The following AP2A1 variants were observed in gnomAD, a reference collection of about 807,000 sequenced individuals.
AP2A1 encodes AP-2 complex subunit alpha-1.
Under a neutral mutation model 107.3 loss-of-function variants are expected in AP2A1, and 21 were observed. The ratio of observed to expected loss-of-function variants is 0.20; its 90% CI spans 0.14 to 0.28. The LOEUF is 0.28. Ranked by LOEUF, AP2A1 falls within the 10% of genes least tolerant of loss-of-function variation. The probability of loss-of-function intolerance (pLI) is 1.00; values close to 1 mark genes in which losing one functional copy is unlikely to be tolerated. For synonymous variants in AP2A1, 602 were observed against 564.8 expected (o/e 1.07, Z -0.93); for missense variants, 873 against 1,307.7 (o/e 0.67, Z 5.13).
At chr19:49,802,513 CT>C in intron 15 of AP2A1, 2 of 1,604,704 alleles carry the variant, frequency 1.2e-6, no homozygotes, top group South Asian at 1.1e-5. Flanking sequence ...CTCTTGTCTG[CT>C]CTGGGATTGG....
intron 22 of AP2A1, 106 bp from the exon 23 acceptor site, chr19:49,806,575 T>C: frequency 6.5e-7 from 1 of 1,549,436 alleles, no homozygotes; most frequent in Middle Eastern, 2.4e-4. Flanking sequence ...GTGTCTTGTA[T>C]CACCTTTCTG....
intron 11 of AP2A1, chr19:49,800,681 G>C (rs1049577593): frequency 2.8e-6 from 1 of 358,390 alleles, no homozygotes; most frequent in Admixed American, 4.6e-5. Flanking sequence ...ATGTTACCCA[G>C]GCTGGTTTGA....
At position 49,788,348 on chromosome 19, in the gene AP2A1, A is replaced by G. The variant is rs1014901083; in HGVS notation, c.474-3587A>G. Among the ~76,000 whole-genome samples the G allele has an allele frequency of 2.0e-5, 3 of 152,240 alleles. No homozygotes were observed. Among genetic ancestry groups the G allele is most frequent in the Non-Finnish European group, 4.4e-5 (3 of 68,050 alleles). Reference sequence around the variant, plus strand: ...GCCCTTATTCCACTTAACCAAGTTGATAAATAGCTCTTATTCCTTTGTGTG... The same window carrying G: ...GCCCTTATTCCACTTAACCAAGTTGGTAAATAGCTCTTATTCCTTTGTGTG... On this transcript the variant is annotated intron_variant, in intron 4 of 22. Coordinates refer to ENST00000354293, the MANE Select transcript of AP2A1 (RefSeq NM_130787.3). This position sits in a 1 kb window ranked among gnomAD's most constrained non-coding sequence, Gnocchi z 4.5.
rs1003034965 is a variant in AP2A1, at chr19:49,801,669, C to T, written c.1785+48C>T. ...CCACCCCTCTTGCACACCCCCTTCC[C>T]GCCCTCCCCTCCTCCTGACCCGAAC... On this transcript the variant is annotated intron_variant, in intron 13 of 22. Coordinates refer to ENST00000354293, the MANE Select transcript of AP2A1 (RefSeq NM_130787.3). 1.1e-5 allele frequency: 16 copies of T among 1,514,038 alleles called. No individual in the cohort carries two copies. The African/African-American group carries it at 1.1e-4, about 11-fold the overall frequency. 93.8% of individuals were successfully genotyped at this position (1,514,038 alleles called of 1,614,324 possible). A position where few individuals can be genotyped will look rare whatever the true frequency, so the allele number is the denominator to read the frequency against.
At chr19:49,799,141 G>A (rs1286900366) in intron 8 of AP2A1, among the ~76,000 whole-genome samples, 186 bp from the exon 9 acceptor site, 5 of 152,184 alleles carry the variant, frequency 3.3e-5, no homozygotes, top group Non-Finnish European at 7.4e-5. Flanking sequence ...GAATTGCTAG[G>A]TATCTTTCTC....
At position 49,791,891 on chromosome 19, in the gene AP2A1, G is replaced by A. The variant is rs59102856; in HGVS notation, c.474-44G>A. 1,152 of 1,559,576 alleles carry A rather than the reference G, an allele frequency of 7.4e-4. 13 individuals are homozygous for A. In the African/African-American group the frequency reaches 0.013, roughly 18 times the overall value. On this transcript the variant is annotated intron_variant, in intron 4 of 22. Transcript: ENST00000354293. ...GAGGAGGGGAGGTGTGCAGGGCTGG[G>A]GTCACTGACTCTGCTTCCCCTGCCC...
rs869178244 is a variant in AP2A1, at chr19:49,787,340, TTTTTTTG to T, written c.474-4581_474-4575del. On this transcript the variant is annotated intron_variant, in intron 4 of 22. Transcript: ENST00000354293. Reference sequence around the variant, plus strand: ...TCCCATCTAGGCTTTTTTTGTTTGTTTTTTTTGTTTTTTGTTTTTTTTTTTTTGAGGC... The same window carrying T: ...TCCCATCTAGGCTTTTTTTGTTTGTTTTTTTTGTTTTTTTTTTTTTGAGGC... Among the ~76,000 whole-genome samples the T allele has an allele frequency of 2.8e-5, 3 of 107,262 alleles. 1 individual carries two copies. Among genetic ancestry groups the T allele is most frequent in the South Asian group, 3.6e-4 (1 of 2,750 alleles). 70.4% of individuals were successfully genotyped at this position (107,262 alleles called of 152,430 possible).
rs1286360752 is a variant in AP2A1, at chr19:49,799,691, G to A, written c.1197G>A (p.Arg399=). 3.1e-6 allele frequency: 5 copies of A among 1,613,090 alleles called. No homozygotes were observed. The Admixed American group carries it at 5.0e-5, about 16-fold the overall frequency. The change falls in exon 10 of 23, where the codon CGG becomes CGA. Residue 399 remains arginine, a synonymous_variant. Transcript: ENST00000354293. Reference sequence around the variant, plus strand: ...ACCTCCTCTACGCCATGTGTGACCGGAGCAATGCCAAGCAGATCGTGTCGG... The same window carrying A: ...ACCTCCTCTACGCCATGTGTGACCGAAGCAATGCCAAGCAGATCGTGTCGG... The part of the protein sequence containing the change: ...AADLLYAMCD[R]SNAKQIVSEM...
intron 21 of AP2A1, 37 bp from the exon 22 acceptor site, chr19:49,806,080 AGC>A: frequency 1.3e-6 from 2 of 1,590,966 alleles, no homozygotes; most frequent in African/African-American, 1.3e-5. Context: ...GGTAACTAAC[AGC>A]TCTGGCACAC....
Position 49,806,685 on chromosome 19 carries a change from A to G in AP2A1, c.2795A>G (p.Tyr932Cys), listed in dbSNP as rs561707757. The G allele has an allele frequency of 6.2e-7, 1 of 1,612,592 alleles. No individual in the cohort carries two copies. The highest frequency in any genetic ancestry group is 1.1e-5 in the South Asian group (1 of 91,018). ...GCCCCCAATGCCCCCACCCAGATGT[A>G]CCGGCTGACCCTGCGCACCAGCAAG... ...RLEPNAQAQM[Y>C]RLTLRTSKEP... Residue 932 changes from tyrosine to cysteine, a missense_variant, in exon 23 of 23, where the codon TAC becomes TGC. Physicochemically the swap from Tyr to Cys is radical, Grantham distance 194 (BLOSUM62 -2). Coordinates refer to ENST00000354293, the MANE Select transcript of AP2A1 (RefSeq NM_130787.3).
intron 4 of AP2A1, among the ~76,000 whole-genome samples, chr19:49,786,871 C>T (rs1488488416): frequency 3.3e-5 from 5 of 152,222 alleles, no homozygotes; most frequent in African/African-American, 9.6e-5. Flanking sequence ...GAGTGGATGC[C>T]GAGGGGTGGT....
chr19:49,802,688 C>T (rs1600244461), intron 15 of AP2A1: 7 of 1,299,506 alleles, frequency 5.4e-6, no homozygotes, highest in South Asian at 1.5e-5. Flanking sequence ...CCCTCGTCAA[C>T]GGGTTCCTGA....
At chr19:49,798,760 G>A (rs757616858) in intron 7 of AP2A1, 42 bp from the exon 8 acceptor site, 1 of 1,585,516 alleles carries the variant, frequency 6.3e-7, no homozygotes, top group Non-Finnish European at 8.6e-7. Context: ...TGTGCCAGGT[G>A]GGCAGGACAC....
chr19:49,792,877 T>A, intron 5 of AP2A1, 114 bp from the exon 6 acceptor site: 1 of 938,260 alleles, frequency 1.1e-6, no homozygotes, highest in Admixed American at 2.1e-5. Flanking sequence ...TGCACACCCC[T>A]AAACCCCATC....
At chr19:49,771,401 C>T (rs1429807921) in intron 1 of AP2A1, among the ~76,000 whole-genome samples, 1 of 150,410 alleles carries the variant, frequency 6.6e-6, no homozygotes, top group East Asian at 1.9e-4. Context: ...GAATTGTTCA[C>T]TGTAAAAGGG....
rs760789242 is a variant in AP2A1, at chr19:49,800,955, A to C, written c.1456-6A>C. 3.8e-6 allele frequency: 6 copies of C among 1,584,438 alleles called. No homozygotes were observed. In the South Asian group the frequency reaches 6.9e-5, roughly 18 times the overall value. On this transcript the variant is annotated splice_polypyrimidine_tract_variant and splice_region_variant and intron_variant, in intron 11 of 22. Coordinates refer to ENST00000354293, the MANE Select transcript of AP2A1 (RefSeq NM_130787.3). ...TCCTCTCCACGCCCTTCCCCACCCC[A>C]CTCAGGCGCTCCAGGCCCCTGCCTG... is the stretch of plus-strand genomic sequence containing the variant.
At chr19:49,800,841 C>A in intron 11 of AP2A1, 120 bp from the exon 12 acceptor site, 2 of 792,774 alleles carry the variant, frequency 2.5e-6, no homozygotes, top group Non-Finnish European at 4.0e-6. Flanking sequence ...AGTTTCCCAC[C>A]TATAACCCCA....
At chr19:49,798,174 T>C (rs765636615) in intron 7 of AP2A1, among the ~76,000 whole-genome samples, 19 of 152,214 alleles carry the variant, frequency 1.2e-4, no homozygotes, top group Non-Finnish European at 8.8e-5. Context: ...TGAAAACACG[T>C]CACATTCTAG....
Position 49,799,699 on chromosome 19 carries a change from C to T in AP2A1, c.1205C>T (p.Ala402Val). ...TACGCCATGTGTGACCGGAGCAATG[C>T]CAAGCAGATCGTGTCGGAGATGCTG... ...LLYAMCDRSN[A>V]KQIVSEMLRY... Residue 402 changes from alanine to valine, a missense_variant, in exon 10 of 23, where the codon GCC (alanine) becomes GTC (valine). Ala to Val is a moderately conservative substitution (Grantham distance 64). Transcript: ENST00000354293. 6.2e-7 allele frequency: 1 copy of T among 1,613,338 alleles called. No homozygotes were observed. The highest frequency in any genetic ancestry group is 8.5e-7 in the Non-Finnish European group (1 of 1,179,886).
Sources: gnomAD v4.1 joint callset for allele counts (sites outside exome capture counted in the v4.1 genomes callset) on GRCh38, gnomAD v4.1.1 for gene constraint, Gnocchi (gnomAD v3.1) non-coding constraint, MANE v1.5 for transcripts, NCBI Gene and HGNC (gene_info 2026-07-23, HGNC 2026-07-21) for gene names.